Variants in PLCB1 observed in about 807,000 individuals in gnomAD.
PLCB1 encodes the protein 1-phosphatidylinositol 4,5-bisphosphate phosphodiesterase beta-1.
A neutral mutation model predicts 161.8 loss-of-function variants in PLCB1; 46 were observed. The ratio of observed to expected loss-of-function variants is 0.28; its 90% CI spans 0.22 to 0.36. The LOEUF (loss-of-function observed/expected upper bound fraction) is 0.36, where lower values mean the gene tolerates loss of function less well. Among genes scored for constraint, PLCB1 ranks in the 10% least tolerant of loss-of-function variants. The pLI is 1.00. For missense variants in PLCB1, 1,016 were observed against 1,472.5 expected (o/e 0.69, Z 5.07); for synonymous variants, 517 against 503.7 (o/e 1.03, Z -0.35).
At chr20:8,475,856 A>G (rs1055051384) in intron 3 of PLCB1, among the ~76,000 whole-genome samples, 3 of 152,230 alleles carry the variant, frequency 2.0e-5, no homozygotes, top group African/African-American at 7.2e-5. Flanking sequence ...ATTTTGTATT[A>G]CTATTTCCAT....
In PLCB1 at chr20:8,789,537, C is replaced by T. The variant is rs1458910451; in HGVS notation, c.3298C>T (p.Arg1100Trp). Residue 1100 changes from arginine (R) to tryptophan (W), a missense_variant, in exon 30 of 32, where the codon CGG becomes TGG. By Grantham distance (101) the Arg-to-Trp change is moderately radical. Transcript: ENST00000338037. Reference sequence around the variant, plus strand: ...TTTTAGGGAGAAGACAGAGATGATCCGGTCATATATCCAGGAAGTGGTGCA... The same window carrying T: ...TTTTAGGGAGAAGACAGAGATGATCTGGTCATATATCCAGGAAGTGGTGCA... Reference protein sequence around the residue: ...QMEEEKTEMIRSYIQEVVQYI... With the variant: ...QMEEEKTEMIWSYIQEVVQYI... 4 of 1,610,864 alleles carry T rather than the reference C, an allele frequency of 2.5e-6. No homozygotes were observed. The highest frequency in any genetic ancestry group is 3.3e-5 in the Admixed American group (2 of 60,002).
chr20:8,555,368 C>G (rs1568506042), intron 3 of PLCB1, among the ~76,000 whole-genome samples: 3 of 151,774 alleles, frequency 2.0e-5, no homozygotes, highest in African/African-American at 7.3e-5. Flanking sequence ...TACACACTCT[C>G]CACCTACACT....
intron 3 of PLCB1, among the ~76,000 whole-genome samples, chr20:8,613,599 T>C (rs537719342): frequency 1.3e-5 from 2 of 152,326 alleles, no homozygotes; most frequent in African/African-American, 4.8e-5. Flanking sequence ...CATGTATAGA[T>C]TGAAAAGAAA....
At chr20:8,748,570 TG>T (rs758625410) in intron 23 of PLCB1, among the ~76,000 whole-genome samples, 22 of 152,224 alleles carry the variant, frequency 1.4e-4, no homozygotes, top group Non-Finnish European at 2.4e-4. Context: ...TCAATATCCA[TG>T]TCATGTCCAA....
rs1984025030 is a variant in PLCB1, at chr20:8,514,438, C to A, written c.247-113856C>A. Among the ~76,000 whole-genome samples the A allele has an allele frequency of 2.1e-5, 3 of 143,380 alleles. No individual in the cohort carries two copies. In the South Asian group the frequency reaches 6.8e-4, roughly 33 times the overall value. The allele number at this position is 143,380 out of a possible 152,430, so 94.1% of individuals were successfully genotyped here. On this transcript the variant is annotated intron_variant, in intron 3 of 31. Transcript: ENST00000338037. Reference sequence around the variant, plus strand: ...CTGCGCTGGGCAACAGAGCGAGACTCCATCTCCAAAAAAAAAAAAAAAAAG... The same window carrying A: ...CTGCGCTGGGCAACAGAGCGAGACTACATCTCCAAAAAAAAAAAAAAAAAG...
At chr20:8,426,208 C>A (rs1352176846) in intron 3 of PLCB1, among the ~76,000 whole-genome samples, 2 of 152,134 alleles carry the variant, frequency 1.3e-5, no homozygotes, top group Non-Finnish European at 2.9e-5. Context: ...CACTAAGGGC[C>A]AACTCCTTGA....
At chr20:8,747,189 C>T (rs1184264986) in intron 23 of PLCB1, among the ~76,000 whole-genome samples, 2 of 152,182 alleles carry the variant, frequency 1.3e-5, no homozygotes, top group African/African-American at 4.8e-5. Context: ...AGAACTTCCC[C>T]CCTTTAATCA....
At chr20:8,662,473 AATAT>A (rs201342111) in intron 9 of PLCB1, among the ~76,000 whole-genome samples, 1 of 137,954 alleles carries the variant, frequency 7.2e-6, no homozygotes, top group South Asian at 2.2e-4. Flanking sequence ...AATTATGTAT[AATAT>A]ATATATAATT....
At chr20:8,310,945 C>A (rs904010738) in intron 2 of PLCB1, among the ~76,000 whole-genome samples, 1 of 152,098 alleles carries the variant, frequency 6.6e-6, no homozygotes, top group African/African-American at 2.4e-5. Context: ...TGTATATGCA[C>A]CCCCACTGAT....
intron 2 of PLCB1, among the ~76,000 whole-genome samples, chr20:8,292,621 T>TA (rs1470567571): frequency 6.6e-6 from 1 of 152,116 alleles, no homozygotes; most frequent in East Asian, 1.9e-4. Flanking sequence ...CTCTTCCTGT[T>TA]ATTCTAAAGT....
intron 31 of PLCB1, among the ~76,000 whole-genome samples, chr20:8,825,441 A>T (rs6140736): frequency 0.17 from 26,217 of 152,154 alleles, 2,940 homozygotes; most frequent in East Asian, 0.6. Context: ...AGTGAGAAAG[A>T]GTGTGTGGAT....
intron 3 of PLCB1, among the ~76,000 whole-genome samples, chr20:8,439,117 G>C (rs1438495408): frequency 6.6e-6 from 1 of 152,210 alleles, no homozygotes; most frequent in Non-Finnish European, 1.5e-5. Flanking sequence ...GGGCTTTACA[G>C]AGTGGAGATT....
At chr20:8,372,618 T>C (rs1986940690) in intron 3 of PLCB1, among the ~76,000 whole-genome samples, 1 of 152,232 alleles carries the variant, frequency 6.6e-6, no homozygotes, top group Non-Finnish European at 1.5e-5. Context: ...CTTAGTAACA[T>C]GGAATTTCAA....
At chr20:8,545,363 A>G (rs887441125) in intron 3 of PLCB1, among the ~76,000 whole-genome samples, 1 of 152,238 alleles carries the variant, frequency 6.6e-6, no homozygotes, top group Non-Finnish European at 1.5e-5. Context: ...AAGGTTTTCC[A>G]TGCTAGCCTT....
At chr20:8,820,332 C>T (rs1390178906) in intron 31 of PLCB1, among the ~76,000 whole-genome samples, 4 of 151,594 alleles carry the variant, frequency 2.6e-5, no homozygotes, top group Admixed American at 1.3e-4. Flanking sequence ...AAAACTCAAA[C>T]AGGTGCTTCT....
intron 3 of PLCB1, among the ~76,000 whole-genome samples, chr20:8,513,057 G>T (rs1279640578): frequency 6.6e-6 from 1 of 151,978 alleles, no homozygotes. Flanking sequence ...GTCCTTCTGT[G>T]CCTGGCTTAT....
chr20:8,259,566 A>G (rs1483487233), intron 2 of PLCB1, among the ~76,000 whole-genome samples: 1 of 152,068 alleles, frequency 6.6e-6, no homozygotes. Context: ...GTGTGATCCA[A>G]GATCACACCA....
At chr20:8,161,449 A>G (rs868325597) in intron 2 of PLCB1, among the ~76,000 whole-genome samples, 1 of 152,228 alleles carries the variant, frequency 6.6e-6, no homozygotes, top group African/African-American at 2.4e-5. Flanking sequence ...CCCTGGTTGT[A>G]CAGTTGGTTA....
intron 2 of PLCB1, among the ~76,000 whole-genome samples, chr20:8,272,391 A>G (rs947584350): frequency 6.6e-6 from 1 of 152,096 alleles, no homozygotes; most frequent in Non-Finnish European, 1.5e-5. Flanking sequence ...TAGAAAAAAA[A>G]TCCAAGATGG....
Sources: gnomAD v4.1 joint callset for allele counts (sites outside exome capture counted in the v4.1 genomes callset) on GRCh38, gnomAD v4.1.1 for gene constraint, MANE v1.5 for transcripts, NCBI Gene and HGNC (gene_info 2026-07-23, HGNC 2026-07-21) for gene names.